The following RAP1GDS1 variants were observed in gnomAD, a reference collection of about 807,000 sequenced individuals.
The protein encoded by RAP1GDS1 is Rap1 GTPase-GDP dissociation stimulator 1.
A neutral mutation model predicts 71.1 loss-of-function variants in RAP1GDS1; 35 were observed. That is an observed-to-expected ratio of 0.49 (90% CI 0.38 to 0.65). The LOEUF (loss-of-function observed/expected upper bound fraction) is 0.65. Ranked by LOEUF, RAP1GDS1 falls within the 30% of genes least tolerant of loss-of-function variation. RAP1GDS1 has a pLI of 0.00. For missense variants in RAP1GDS1, 663 were observed against 706.1 expected, an observed-to-expected ratio of 0.94 and a Z score of 0.69; for synonymous variants, 229 against 243.1, an observed-to-expected ratio of 0.94 and a Z score of 0.54.
At chr4:98,344,193 A>C (rs578104951) in intron 3 of RAP1GDS1, among the ~76,000 whole-genome samples, 2 of 152,290 alleles carry the variant, frequency 1.3e-5, no homozygotes, top group East Asian at 3.9e-4. Context: ...GTTAGATTCT[A>C]TATTGGTATA....
chr4:98,330,871 A>G (rs1459850240), intron 2 of RAP1GDS1, among the ~76,000 whole-genome samples: 1 of 151,846 alleles, frequency 6.6e-6, no homozygotes, highest in African/African-American at 2.4e-5. Flanking sequence ...CCAGGCAGAG[A>G]TGCTCCTCAC....
At position 98,261,776 on chromosome 4, in the gene RAP1GDS1, G is replaced by T. The variant is rs1446775797; in HGVS notation, c.4+207G>T. The T allele has an allele frequency of 7.4e-6, 4 of 543,110 alleles. No individual in the cohort carries two copies. In the Admixed American group the frequency reaches 1.4e-4, roughly 19 times the overall value. The allele number at this position is 543,110 out of a possible 1,614,324, so 33.6% of individuals were successfully genotyped here. ...AGGGTCCCGAGCGCGGGCTGGGGTG[G>T]GGTCGGCCGCGGGCCGGACCGCCGC... On this transcript the variant is annotated intron_variant, in intron 1 of 14. Transcript: ENST00000408927.
chr4:98,415,917 T>G (rs1000183848), intron 7 of RAP1GDS1, among the ~76,000 whole-genome samples: 3 of 152,158 alleles, frequency 2.0e-5, no homozygotes, highest in Non-Finnish European at 4.4e-5. Context: ...CTTTATTTAT[T>G]TATTTATTTA....
chr4:98,388,847 A>G (rs1743176691), intron 5 of RAP1GDS1, among the ~76,000 whole-genome samples: 1 of 152,174 alleles, frequency 6.6e-6, no homozygotes, highest in Non-Finnish European at 1.5e-5. Flanking sequence ...TATTTGGGTT[A>G]TGTCTGTCAA....
At chr4:98,351,476 C>A (rs182286697) in intron 3 of RAP1GDS1, among the ~76,000 whole-genome samples, 1 of 151,894 alleles carries the variant, frequency 6.6e-6, no homozygotes, top group Non-Finnish European at 1.5e-5. Flanking sequence ...ACCTGTGGAA[C>A]AAACCAAGGG....
Position 98,340,802 on chromosome 4 carries a change from A to T in RAP1GDS1, c.113-2337A>T, listed in dbSNP as rs542433170. ...ATGTATATATGTAAATATATATATA[A>T]AAAGTGGGAGCTAAACATTGAGTAC... is the stretch of plus-strand genomic sequence containing the variant. On this transcript the variant is annotated intron_variant, in intron 2 of 14. Transcript: ENST00000408927. Among the ~76,000 whole-genome samples the T allele has an allele frequency of 1.6e-4, 24 of 152,126 alleles. 1 individual carries two copies. Among genetic ancestry groups the T allele is most frequent in the Non-Finnish European group, 3.1e-4 (21 of 68,002 alleles).
intron 10 of RAP1GDS1, 37 bp downstream of exon 10, chr4:98,418,828 T>C: frequency 6.6e-7 from 1 of 1,506,790 alleles, no homozygotes; most frequent in Non-Finnish European, 8.8e-7. Context: ...GTGTACAAAA[T>C]AAAATCCATC....
chr4:98,418,936 C>A, intron 10 of RAP1GDS1, 145 bp downstream of exon 10: 3 of 854,242 alleles, frequency 3.5e-6, no homozygotes, highest in Non-Finnish European at 4.9e-6. Context: ...TTTTTTCATG[C>A]TAATAAATGG....
chr4:98,343,364 CATTTTTTATTTCT>C (rs1560871772), intron 3 of RAP1GDS1, 103 bp downstream of exon 3: 1 of 1,356,100 alleles, frequency 7.4e-7, no homozygotes, highest in Non-Finnish European at 1.0e-6. Context: ...GTAGATTAGA[CATTTTTTATTTCT>C]ATTTATCTTT....
intron 2 of RAP1GDS1, among the ~76,000 whole-genome samples, chr4:98,315,724 A>T (rs999078612): frequency 2.6e-5 from 4 of 152,138 alleles, no homozygotes; most frequent in African/African-American, 9.7e-5. Flanking sequence ...ATCATGCTAA[A>T]CATGATTTTT....
intron 7 of RAP1GDS1, among the ~76,000 whole-genome samples, chr4:98,412,715 GA>G (rs1747250709): frequency 6.6e-6 from 1 of 152,098 alleles, no homozygotes; most frequent in African/African-American, 2.4e-5. Flanking sequence ...CGGCCCATCT[GA>G]GAAATAGAGA....
intron 2 of RAP1GDS1, among the ~76,000 whole-genome samples, chr4:98,326,528 G>T (rs765446265): frequency 6.6e-6 from 1 of 152,170 alleles, no homozygotes; most frequent in Non-Finnish European, 1.5e-5. Context: ...AAGCCAACAT[G>T]ATTCTATTTG....
At chr4:98,359,238 C>G (rs1328470969) in intron 4 of RAP1GDS1, among the ~76,000 whole-genome samples, 4 of 151,846 alleles carry the variant, frequency 2.6e-5, no homozygotes, top group Admixed American at 2.6e-4. Flanking sequence ...GGGTTAGGAC[C>G]TAGGGACAAA....
intron 12 of RAP1GDS1, among the ~76,000 whole-genome samples, chr4:98,432,963 C>T (rs1578872102): frequency 7.7e-6 from 1 of 129,500 alleles, no homozygotes; most frequent in East Asian, 2.1e-4. Flanking sequence ...TTTGTAATAA[C>T]AAAAACCTAT....
intron 2 of RAP1GDS1, among the ~76,000 whole-genome samples, chr4:98,315,097 A>G (rs964851158): frequency 6.6e-6 from 1 of 152,166 alleles, no homozygotes; most frequent in Non-Finnish European, 1.5e-5. Flanking sequence ...TTGGCTTAGA[A>G]TATGCTTTAT....
At chr4:98,369,261 C>T (rs556525221) in intron 4 of RAP1GDS1, among the ~76,000 whole-genome samples, 2 of 152,230 alleles carry the variant, frequency 1.3e-5, no homozygotes, top group South Asian at 4.1e-4. Flanking sequence ...CACAGCCAGA[C>T]CATATCATAC....
At chr4:98,419,349 A>G (rs1328972848) in intron 10 of RAP1GDS1, among the ~76,000 whole-genome samples, 1 of 152,108 alleles carries the variant, frequency 6.6e-6, no homozygotes, top group Non-Finnish European at 1.5e-5. Flanking sequence ...CTACTGCACC[A>G]GGCCTTAGGC....
intron 13 of RAP1GDS1, among the ~76,000 whole-genome samples, chr4:98,435,948 G>A (rs1246726655): frequency 2.0e-5 from 3 of 151,452 alleles, no homozygotes; most frequent in Non-Finnish European, 2.9e-5. Flanking sequence ...GCGGGCTCCT[G>A]TAGTCCCAGC....
intron 2 of RAP1GDS1, among the ~76,000 whole-genome samples, chr4:98,337,060 A>G (rs1192225247): frequency 1.3e-5 from 2 of 151,964 alleles, no homozygotes; most frequent in Non-Finnish European, 2.9e-5. Flanking sequence ...ATGCCCAGCT[A>G]ATTTTTGTAT....
Sources: gnomAD v4.1 joint callset for allele counts (sites outside exome capture counted in the v4.1 genomes callset) on GRCh38, gnomAD v4.1.1 for gene constraint, MANE v1.5 for transcripts, NCBI Gene and HGNC (gene_info 2026-07-23, HGNC 2026-07-21) for gene names.